Variants in CARNMT1 observed in about 807,000 individuals in gnomAD.
CARNMT1 encodes protein-L-histidine N-pros-methyltransferase CARNMT1.
In CARNMT1, 28 loss-of-function variants were observed where a neutral mutation model predicts 49.6. The ratio of observed to expected loss-of-function variants is 0.56; its 90% CI spans 0.42 to 0.77. The LOEUF (loss-of-function observed/expected upper bound fraction) is 0.77, where lower values mean the gene tolerates loss of function less well. Ranked by LOEUF, CARNMT1 falls within the 30% of genes least tolerant of loss-of-function variation. The pLI is 0.00. For missense variants in CARNMT1, 421 were observed against 512.6 expected, an observed-to-expected ratio of 0.82 and a Z score of 1.73; for synonymous variants, 178 against 175.0, an observed-to-expected ratio of 1.02 and a Z score of -0.13.
intron 3 of CARNMT1, among the ~76,000 whole-genome samples, chr9:75,012,551 G>A (rs1833724693): frequency 6.6e-6 from 1 of 151,988 alleles, no homozygotes; most frequent in Non-Finnish European, 1.5e-5. Flanking sequence ...CCTAAGTGCT[G>A]GGATTACAGG....
Position 75,016,294 on chromosome 9 carries a change from A to C in CARNMT1, c.564T>G (p.Ile188Met). 3 of 1,612,970 alleles carry C rather than the reference A, an allele frequency of 1.9e-6. No homozygotes were observed. The highest frequency in any genetic ancestry group is 1.1e-5 in the South Asian group (1 of 90,734). ...DACYQPIIKE[I>M]LKNFPKERWD... ...ATCTCTCTTTTGGAAAATTTTTTAA[A>C]ATTTCTTTAATGATTGGCTGGTAAC... The change falls in exon 3 of 8, where the codon ATT (isoleucine) becomes ATG (methionine). Residue 188 changes from isoleucine to methionine, a missense_variant. Transcript: ENST00000376834.
chr9:75,009,583 C>T (rs1305502962), intron 3 of CARNMT1, among the ~76,000 whole-genome samples: 1 of 152,080 alleles, frequency 6.6e-6, no homozygotes, highest in Admixed American at 6.5e-5. Flanking sequence ...TTTCTAGATG[C>T]AAGGCTTATG....
chr9:75,027,141 G>A (rs1822555120), intron 1 of CARNMT1: 1 of 1,302,028 alleles, frequency 7.7e-7, no homozygotes, highest in Non-Finnish European at 1.0e-6. Flanking sequence ...GAATAAAAGT[G>A]TTATCTTCAC....
intron 3 of CARNMT1, among the ~76,000 whole-genome samples, chr9:75,013,646 CAA>C (rs1833763617): frequency 6.6e-6 from 1 of 151,298 alleles, no homozygotes; most frequent in Admixed American, 6.6e-5. Context: ...GTGAAAAAAG[CAA>C]GGTACAGAAT....
intron 3 of CARNMT1, among the ~76,000 whole-genome samples, chr9:75,011,353 T>C (rs777691072): frequency 4.6e-5 from 7 of 152,156 alleles, no homozygotes; most frequent in Non-Finnish European, 7.4e-5. Flanking sequence ...GGTGATGAGA[T>C]GTCCCTCCTG....
intron 3 of CARNMT1, among the ~76,000 whole-genome samples, chr9:75,013,786 T>C (rs1049589067): frequency 2.6e-5 from 4 of 152,018 alleles, no homozygotes; most frequent in African/African-American, 9.7e-5. Context: ...GGAGGATCAC[T>C]TGAGGCCGGG....
chr9:74,994,851 G>C (rs1467624662), intron 6 of CARNMT1, among the ~76,000 whole-genome samples: 1 of 151,682 alleles, frequency 6.6e-6, no homozygotes, highest in African/African-American at 2.4e-5. Flanking sequence ...AAATTGTTTT[G>C]AGACTCCATA....
At chr9:75,004,316 T>C (rs1307605710) in intron 3 of CARNMT1, among the ~76,000 whole-genome samples, 2 of 152,238 alleles carry the variant, frequency 1.3e-5, no homozygotes, top group African/African-American at 4.8e-5. Context: ...ATAAAATAAG[T>C]AAAAAATGGC....
chr9:75,021,783 ACAAAATGAGC>A (rs1822370807), intron 1 of CARNMT1, among the ~76,000 whole-genome samples: 1 of 152,088 alleles, frequency 6.6e-6, no homozygotes, highest in South Asian at 2.1e-4. Context: ...AAATAAAAAA[ACAAAATGAGC>A]CAGGCGTGGT....
rs1822586012 is a variant in CARNMT1, at chr9:75,028,111, G to A, written c.131C>T (p.Ser44Leu). Residue 44 changes from serine (S) to leucine (L), a missense_variant, in exon 1 of 8, where the codon TCG becomes TTG. Ser to Leu is a moderately radical substitution (Grantham distance 145). Transcript: ENST00000376834. ...GCGCGTGGCCGCCGCCGCTGCCGCC[G>A]AAACCGCCGCGGCCGAGCCCCAACG... ...AGRWGSAAAV[S>L]AAAAAATRST... 1.9e-6 allele frequency: 3 copies of A among 1,557,698 alleles called. No individual in the cohort carries two copies. Among genetic ancestry groups the A allele is most frequent in the Non-Finnish European group, 2.6e-6 (3 of 1,153,478 alleles).
rs976133777 is a variant in CARNMT1, at chr9:75,028,285, A to C, written c.-44T>G. ...CCTGGCTCGCTTGCGTCTCTCCGCG[A>C]CCGACAGCGTGGTGGCGGCTGCTTG... On this transcript the variant is annotated 5_prime_UTR_variant, in exon 1 of 8. Transcript: ENST00000376834. 3 of 1,342,126 alleles carry C rather than the reference A, an allele frequency of 2.2e-6. No homozygotes were observed. The highest frequency in any genetic ancestry group is 6.3e-5 in the East Asian group (2 of 31,836). The allele number at this position is 1,342,126 out of a possible 1,614,324, so 83.1% of individuals were successfully genotyped here.
chr9:74,992,167 G>A (rs1016780858), intron 6 of CARNMT1, among the ~76,000 whole-genome samples: 7 of 151,988 alleles, frequency 4.6e-5, no homozygotes, highest in African/African-American at 1.7e-4. Flanking sequence ...AGCTACTTGA[G>A]AGGCTGAGGC....
intron 3 of CARNMT1, among the ~76,000 whole-genome samples, chr9:75,005,827 AACACACACACACACACACACAC>A (rs10569961): frequency 1.9e-4 from 26 of 135,686 alleles, no homozygotes; most frequent in African/African-American, 6.3e-4. Flanking sequence ...GTGAAATTAA[AACACACACACACACACACACAC>A]ACACACACAC....
Position 75,016,451 on chromosome 9 carries a change from C to A in CARNMT1, c.427-20G>T. ...ATTCCCCTGTTTAAAAAACAGACATCAATTAGCTTCTGAGAGAGTAATCCA... is the reference window on the plus strand; with the variant it reads ...ATTCCCCTGTTTAAAAAACAGACATAAATTAGCTTCTGAGAGAGTAATCCA... On this transcript the variant is annotated intron_variant, in intron 2 of 7. Coordinates refer to ENST00000376834, the MANE Select transcript of CARNMT1 (RefSeq NM_152420.3). 4 of 1,611,710 alleles carry A rather than the reference C, an allele frequency of 2.5e-6. No homozygotes were observed. Among genetic ancestry groups the A allele is most frequent in the Non-Finnish European group, 3.4e-6 (4 of 1,178,614 alleles).
At chr9:74,987,664 T>C (rs553660436) in intron 6 of CARNMT1, among the ~76,000 whole-genome samples, 1 of 152,246 alleles carries the variant, frequency 6.6e-6, no homozygotes, top group African/African-American at 2.4e-5. Context: ...TTTGGGGTGA[T>C]GGAAATGGGA....
At chr9:75,024,261 T>G (rs1042584743) in intron 1 of CARNMT1, among the ~76,000 whole-genome samples, 1 of 152,230 alleles carries the variant, frequency 6.6e-6, no homozygotes, top group Non-Finnish European at 1.5e-5. Context: ...ACATTAAATT[T>G]GTGTTACTAG....
intron 6 of CARNMT1, among the ~76,000 whole-genome samples, chr9:74,990,885 AAGAG>A (rs1447794406): frequency 2.6e-5 from 4 of 151,822 alleles, no homozygotes; most frequent in East Asian, 2.0e-4. Flanking sequence ...AGTTCTGGTT[AAGAG>A]AGAAAGATTG....
rs746241409 is a variant in CARNMT1, at chr9:75,016,273, C to T, written c.585G>A (p.Glu195=). The T allele has an allele frequency of 3.1e-6, 5 of 1,612,256 alleles. No homozygotes were observed. The African/African-American group carries it at 6.7e-5, about 22-fold the overall frequency. ...AAAAATGAGGTACTATTTACCATCT[C>T]TCTTTTGGAAAATTTTTTAAAATTT... is the stretch of plus-strand genomic sequence containing the variant. The part of the protein sequence containing the change: ...IKEILKNFPK[E]RWDPSKVNIL... The change falls in exon 3 of 8, where the codon GAG becomes GAA. Residue 195 remains glutamate (E), a synonymous_variant. Coordinates refer to ENST00000376834, the MANE Select transcript of CARNMT1 (RefSeq NM_152420.3).
At chr9:74,988,874 C>T (rs1832928005) in intron 6 of CARNMT1, among the ~76,000 whole-genome samples, 1 of 152,094 alleles carries the variant, frequency 6.6e-6, no homozygotes, top group South Asian at 2.1e-4. Flanking sequence ...TAAGGTTTTC[C>T]CACACACTAT....
Sources: gnomAD v4.1 joint callset for allele counts (sites outside exome capture counted in the v4.1 genomes callset) on GRCh38, gnomAD v4.1.1 for gene constraint, MANE v1.5 for transcripts, NCBI Gene and HGNC (gene_info 2026-07-23, HGNC 2026-07-21) for gene names.